SEMA4B: variants seen among roughly 807,000 people sequenced by gnomAD.
SEMA4B encodes semaphorin 4B.
A neutral mutation model predicts 88.1 loss-of-function variants in SEMA4B; 55 were observed. That is an observed-to-expected ratio of 0.62 (90% CI 0.50 to 0.78). The LOEUF (loss-of-function observed/expected upper bound fraction) is 0.78, where lower values mean the gene tolerates loss of function less well. Among genes scored for constraint, SEMA4B ranks in the 30% least tolerant of loss-of-function variants. SEMA4B has a pLI of 0.00. For synonymous variants in SEMA4B, 525 were observed against 473.6 expected (o/e 1.11, Z -1.41); for missense variants, 1,062 against 1,111.9 (o/e 0.96, Z 0.64).
chr15:90,225,301 G>T lies in SEMA4B; in HGVS notation c.1425G>T (p.Lys475Asn). 6.4e-7 allele frequency: 1 copy of T among 1,558,704 alleles called. No individual in the cohort carries two copies. The highest frequency in any genetic ancestry group is 8.7e-7 in the Non-Finnish European group (1 of 1,151,818). Residue 475 changes from lysine (K) to asparagine (N), a missense_variant, in exon 11 of 14, where the codon AAG becomes AAT. Transcript: ENST00000411539. The part of the protein sequence containing the change: ...FLGTGDGRLH[K>N]AVSVGPRVHI... ...CCCCAGGTGACGGCCGGCTCCACAA[G>T]GCAGTGAGCGTGGGCCCCCGGGTGC...
At chr15:90,188,407 C>T (rs1034051885) in intron 1 of SEMA4B, among the ~76,000 whole-genome samples, 2 of 151,758 alleles carry the variant, frequency 1.3e-5, no homozygotes, top group Non-Finnish European at 2.9e-5. Context: ...GTGGGCGGAT[C>T]ACCTGAGGTC....
chr15:90,188,300 G>A (rs908991348), intron 1 of SEMA4B, among the ~76,000 whole-genome samples: 3 of 151,818 alleles, frequency 2.0e-5, no homozygotes, highest in Non-Finnish European at 4.4e-5. Flanking sequence ...TTCCAGCTTG[G>A]GTGGCACAGT....
intron 12 of SEMA4B, 131 bp downstream of exon 12, chr15:90,225,958 T>G: frequency 1.5e-6 from 1 of 656,982 alleles, no homozygotes; most frequent in Non-Finnish European, 2.3e-6. Flanking sequence ...AATTATTAAT[T>G]AGCTCTCCTG....
Position 90,225,323 on chromosome 15 carries a change from G to C in SEMA4B, c.1447G>C (p.Val483Leu). ...CAAGGCAGTGAGCGTGGGCCCCCGG[G>C]TGCACATCATTGAGGAGCTGCAGAT... is the stretch of plus-strand genomic sequence containing the variant. ...LHKAVSVGPRVHIIEELQIFS... is the reference protein window; with the variant it reads ...LHKAVSVGPRLHIIEELQIFS... The change falls in exon 11 of 14, where the codon GTG (valine) becomes CTG (leucine). Residue 483 changes from valine to leucine, a missense_variant. Physicochemically the swap from Val to Leu is conservative, Grantham distance 32. Coordinates refer to ENST00000411539, the MANE Select transcript of SEMA4B (RefSeq NM_198925.4). 8 of 1,558,932 alleles carry C rather than the reference G, an allele frequency of 5.1e-6. No homozygotes were observed. Among genetic ancestry groups the C allele is most frequent in the Non-Finnish European group, 6.9e-6 (8 of 1,152,054 alleles).
chr15:90,205,229 A>T (rs1960934662), intron 1 of SEMA4B, among the ~76,000 whole-genome samples: 2 of 152,262 alleles, frequency 1.3e-5, no homozygotes, highest in African/African-American at 4.8e-5. Context: ...CATTTGGCAC[A>T]AATCAGCTGC....
At chr15:90,219,758 C>A (rs117359056) in intron 3 of SEMA4B, 35 bp from the exon 4 acceptor site, 2 of 1,550,356 alleles carry the variant, frequency 1.3e-6, no homozygotes, top group Non-Finnish European at 1.8e-6. Context: ...CATGCTTGGG[C>A]GTGGGACTGA....
In SEMA4B at chr15:90,225,169, C is replaced by T. The variant is rs1327999081; in HGVS notation, c.1396C>T (p.Leu466=). Residue 466 remains leucine (L), a synonymous_variant, in exon 10 of 14, where the codon CTG becomes TTG. Coordinates refer to ENST00000411539, the MANE Select transcript of SEMA4B (RefSeq NM_198925.4). ...GLHHTYDVLF[L]GTGDGRLHKA... ...GCACCACACCTACGATGTCCTCTTC[C>T]TGGGCACTGGTAAGTGTCTGCAGCC... is the stretch of plus-strand genomic sequence containing the variant. 6.2e-7 allele frequency: 1 copy of T among 1,600,948 alleles called. No homozygotes were observed. The highest frequency in any genetic ancestry group is 2.3e-5 in the East Asian group (1 of 44,150).
chr15:90,192,610 G>A (rs1416712548), intron 1 of SEMA4B, among the ~76,000 whole-genome samples: 3 of 88,116 alleles, frequency 3.4e-5, no homozygotes, highest in African/African-American at 4.9e-5. Flanking sequence ...TTTTTTTTGA[G>A]ATGGAATCTT....
intron 1 of SEMA4B, among the ~76,000 whole-genome samples, chr15:90,204,048 C>G (rs1960874377): frequency 6.6e-6 from 1 of 152,180 alleles, no homozygotes; most frequent in Non-Finnish European, 1.5e-5. Flanking sequence ...AGGGGAATGC[C>G]CTGGTAACTG....
chr15:90,202,737 CTTG>C (rs753337095), intron 1 of SEMA4B, among the ~76,000 whole-genome samples: 20 of 152,174 alleles, frequency 1.3e-4, no homozygotes, highest in Non-Finnish European at 2.9e-4. Context: ...AGCCCTTTAA[CTTG>C]TTGGTTGTCA....
intron 1 of SEMA4B, among the ~76,000 whole-genome samples, chr15:90,187,693 T>A (rs976823977): frequency 1.3e-5 from 2 of 152,068 alleles, no homozygotes; most frequent in African/African-American, 4.8e-5. Context: ...AAACAAAGCA[T>A]AAGGGAGTGA....
upstream of SEMA4B, among the ~76,000 whole-genome samples, chr15:90,197,654 G>A (rs933027752): frequency 7.9e-5 from 12 of 151,678 alleles, no homozygotes; most frequent in Non-Finnish European, 1.8e-4. Flanking sequence ...AGCCAGGATG[G>A]TCTCGAGCTC....
At chr15:90,210,176 G>A (rs1157080208) in intron 1 of SEMA4B, among the ~76,000 whole-genome samples, 1 of 152,210 alleles carries the variant, frequency 6.6e-6, no homozygotes, top group Non-Finnish European at 1.5e-5. Flanking sequence ...AAGGAGGATG[G>A]TGAGACACCC....
At chr15:90,206,431 A>T (rs998339262) in intron 1 of SEMA4B, 7 of 204,630 alleles carry the variant, frequency 3.4e-5, no homozygotes, top group Non-Finnish European at 5.9e-5. Context: ...CCTGTGCTGG[A>T]TGTGGGACAG....
At chr15:90,213,548 G>A (rs560968131) in intron 1 of SEMA4B, among the ~76,000 whole-genome samples, 23 of 152,372 alleles carry the variant, frequency 1.5e-4, no homozygotes, top group Admixed American at 1.5e-3. Flanking sequence ...CCTCCAGCCG[G>A]CTGCACTCTG....
chr15:90,214,825 C>A, intron 1 of SEMA4B: 2 of 343,536 alleles, frequency 5.8e-6, no homozygotes, highest in Non-Finnish European at 1.1e-5. Context: ...TTTTTACTTC[C>A]TTGCTGATGG....
At chr15:90,208,185 CAG>C (rs757727630) in intron 1 of SEMA4B, among the ~76,000 whole-genome samples, 18 of 150,520 alleles carry the variant, frequency 1.2e-4, no homozygotes, top group African/African-American at 3.7e-4. Flanking sequence ...ACCTGGGAGA[CAG>C]GGGTTGCAGT....
intron 1 of SEMA4B, among the ~76,000 whole-genome samples, chr15:90,216,460 A>G (rs1345308102): frequency 6.6e-6 from 1 of 151,996 alleles, no homozygotes; most frequent in Non-Finnish European, 1.5e-5. Flanking sequence ...TTATTATTCC[A>G]TTAGCCATTG....
Position 90,217,823 on chromosome 15 carries a change from C to T in SEMA4B, c.378C>T (p.Asp126=), listed in dbSNP as rs780631641. 67 of 1,611,812 alleles carry T rather than the reference C, an allele frequency of 4.2e-5. No homozygotes were observed. The highest frequency in any genetic ancestry group is 5.4e-5 in the Non-Finnish European group (64 of 1,178,936). The change falls in exon 3 of 14, where the codon GAC becomes GAT. Residue 126 remains aspartate (D), a synonymous_variant. Coordinates refer to ENST00000411539, the MANE Select transcript of SEMA4B (RefSeq NM_198925.4). ...KKQQCSFKGK[D]PQRDCQNYIK... is the part of the protein sequence containing the mutation. ...AGCAGTGCAGCTTCAAGGGCAAGGA[C>T]CCACAGGTGAGCCCACACCTGGAAG...
Sources: allele counts gnomAD v4.1 joint callset (sites outside exome capture counted in the v4.1 genomes callset), GRCh38; gene constraint gnomAD v4.1.1; transcripts MANE v1.5; gene names NCBI Gene and HGNC (gene_info 2026-07-23, HGNC 2026-07-21).